PAK3: variants seen among roughly 807,000 people sequenced by gnomAD.
PAK3 encodes the protein serine/threonine-protein kinase PAK 3.
Under a neutral mutation model 41.0 loss-of-function variants are expected in PAK3, and 4 were observed. The observed-to-expected ratio is 0.10, with a 90% confidence interval of 0.05 to 0.22. The LOEUF (loss-of-function observed/expected upper bound fraction) is 0.22, where lower values mean the gene tolerates loss of function less well. Among genes scored for constraint, PAK3 ranks in the 10% least tolerant of loss-of-function variants. The pLI is 1.00. For missense variants in PAK3, 205 were observed against 409.9 expected, an observed-to-expected ratio of 0.50 and a Z score of 4.32; for synonymous variants, 146 against 139.6, an observed-to-expected ratio of 1.05 and a Z score of -0.32.
intron 1 of PAK3, among the ~76,000 whole-genome samples, chrX:111,010,295 G>A (rs985546215): frequency 6.3e-5 from 7 of 111,704 alleles, no homozygotes; most frequent in Non-Finnish European, 1.1e-4. Flanking sequence ...TTTCATGCTG[G>A]GGAATTAGAG....
chrX:111,179,090 A>G (rs1331756329), intron 11 of PAK3, among the ~76,000 whole-genome samples: 1 of 107,040 alleles, frequency 9.3e-6, no homozygotes, highest in Non-Finnish European at 1.9e-5. Context: ...ATTTAAAACC[A>G]CTTATATAAA....
intron 1 of PAK3, among the ~76,000 whole-genome samples, chrX:111,083,299 T>C (rs2092850125): frequency 8.9e-6 from 1 of 112,336 alleles, no homozygotes; most frequent in Non-Finnish European, 1.9e-5. Context: ...CCATGGCTAC[T>C]GGTTTCAGTT....
intron 11 of PAK3, among the ~76,000 whole-genome samples, chrX:111,179,023 A>C (rs939419870): frequency 9.4e-6 from 1 of 105,982 alleles, no homozygotes; most frequent in Non-Finnish European, 1.9e-5. Flanking sequence ...ATATATATAT[A>C]TATATATATG....
intron 1 of PAK3, among the ~76,000 whole-genome samples, chrX:110,945,562 T>G (rs2090599761): frequency 1.8e-5 from 2 of 111,983 alleles, no homozygotes; most frequent in African/African-American, 6.5e-5. Flanking sequence ...GCTCTTACAG[T>G]GATCCCTGCA....
At chrX:111,010,242 A>T (rs2091991980) in intron 1 of PAK3, among the ~76,000 whole-genome samples, 1 of 112,189 alleles carries the variant, frequency 8.9e-6, no homozygotes, top group South Asian at 3.7e-4. Flanking sequence ...AGGAACTGAC[A>T]TCATGAATAA....
intron 11 of PAK3, among the ~76,000 whole-genome samples, chrX:111,182,571 G>A (rs1158968621): frequency 9.0e-6 from 1 of 110,520 alleles, no homozygotes; most frequent in Non-Finnish European, 1.9e-5. Context: ...AAAGGAAAAC[G>A]CCAGAACTCT....
At chrX:110,950,411 C>G (rs1377849885) in intron 1 of PAK3, among the ~76,000 whole-genome samples, 1 of 111,926 alleles carries the variant, frequency 8.9e-6, no homozygotes, top group Non-Finnish European at 1.9e-5. Flanking sequence ...TTATTTCATT[C>G]TTGTTTTTAA....
intron 1 of PAK3, among the ~76,000 whole-genome samples, chrX:110,994,029 T>C (rs2091697908): frequency 1.8e-5 from 2 of 112,453 alleles, no homozygotes; most frequent in South Asian, 7.4e-4. Flanking sequence ...CTCCTTCTTT[T>C]AAACAATGAT....
At chrX:111,173,980 C>A (rs770212025) in intron 11 of PAK3, among the ~76,000 whole-genome samples, 1 of 111,263 alleles carries the variant, frequency 9.0e-6, no homozygotes, top group Admixed American at 9.6e-5. Flanking sequence ...ATGTCAGAAA[C>A]AAAGATGGCA....
At chrX:111,051,263 C>A (rs181320738) in intron 1 of PAK3, among the ~76,000 whole-genome samples, 132 of 111,733 alleles carry the variant, frequency 1.2e-3, no homozygotes, top group African/African-American at 4.0e-3. Context: ...AAATGCCTGG[C>A]CATAGTACCT....
chrX:111,034,753 C>T (rs2092376106), intron 1 of PAK3, among the ~76,000 whole-genome samples: 1 of 111,118 alleles, frequency 9.0e-6, no homozygotes, highest in South Asian at 3.8e-4. Context: ...CTGCTGATAA[C>T]TATATGACCT....
intron 1 of PAK3, among the ~76,000 whole-genome samples, chrX:111,070,260 TGAATTTGATCATTTATATGGACAACAG>T: frequency 9.5e-6 from 1 of 105,791 alleles, no homozygotes; most frequent in East Asian, 3.0e-4. Flanking sequence ...GGACAACAGC[TGAATTTGATCATTTATATGGACAACAG>T]CTGAATTTGA....
In PAK3 at chrX:111,070,798, C is replaced by G. The variant is rs2092737755; in HGVS notation, c.-27-52279C>G. The stretch of plus-strand genomic sequence containing the variant: ...GTTCACCTGAAAACATTGCATTTGA[C>G]TCTGCCACTGTTCATACTTAGCCCA... On this transcript the variant is annotated intron_variant, in intron 1 of 14. Coordinates refer to the PAK3 transcript ENST00000425146. 6.3e-5 allele frequency among the ~76,000 whole-genome samples: 7 copies of G among 111,990 alleles called. No homozygotes were observed. The South Asian group carries it at 2.6e-3, about 42-fold the overall frequency.
intron 1 of PAK3, among the ~76,000 whole-genome samples, chrX:110,970,648 T>TG (rs1406720528): frequency 9.0e-6 from 1 of 111,312 alleles, no homozygotes; most frequent in African/African-American, 3.3e-5. Flanking sequence ...CTAATGCATG[T>TG]GGGGCTTAAA....
intron 1 of PAK3, among the ~76,000 whole-genome samples, chrX:110,968,160 G>A (rs1191232879): frequency 2.7e-5 from 3 of 112,653 alleles, no homozygotes; most frequent in Non-Finnish European, 3.7e-5. Context: ...TATACTAGTA[G>A]TTCATTCCTT....
intron 4 of PAK3, among the ~76,000 whole-genome samples, chrX:111,111,957 A>G (rs2093380487): frequency 9.0e-6 from 1 of 111,077 alleles, no homozygotes. Flanking sequence ...CCCATGCTGC[A>G]TGTGCTTTCT....
chrX:111,087,689 C>T (rs986965312), intron 1 of PAK3, among the ~76,000 whole-genome samples: 2 of 101,399 alleles, frequency 2.0e-5, no homozygotes, highest in Non-Finnish European at 3.9e-5. Flanking sequence ...TTGCTGTGGA[C>T]GTGGAAGAAA....
intron 1 of PAK3, among the ~76,000 whole-genome samples, chrX:111,045,550 A>C (rs1351475031): frequency 9.0e-6 from 1 of 111,560 alleles, no homozygotes; most frequent in Non-Finnish European, 1.9e-5. Flanking sequence ...TTTCCCCAGG[A>C]TAAGGAGAAG....
At chrX:111,150,828 A>G (rs998867207) in intron 7 of PAK3, among the ~76,000 whole-genome samples, 1 of 112,150 alleles carries the variant, frequency 8.9e-6, no homozygotes, top group African/African-American at 3.2e-5. Flanking sequence ...TTCTCTCTCT[A>G]CAATAATTTA....
Sources: allele counts gnomAD v4.1 joint callset (sites outside exome capture counted in the v4.1 genomes callset), GRCh38; gene constraint gnomAD v4.1.1; transcripts MANE v1.5; gene names NCBI Gene and HGNC (gene_info 2026-07-23, HGNC 2026-07-21).